The following NOX4 variants were observed in gnomAD, a reference collection of about 807,000 sequenced individuals.
The protein encoded by NOX4 is NADPH oxidase 4.
In NOX4, 69 loss-of-function variants were observed where a neutral mutation model predicts 87.6. That is an observed-to-expected ratio of 0.79 (90% confidence interval 0.65 to 0.96). The LOEUF is 0.96. Among genes scored for constraint, NOX4 ranks in the 40% least tolerant of loss-of-function variants. The probability of loss-of-function intolerance (pLI) is 0.00; values close to 1 mark genes in which losing one functional copy is unlikely to be tolerated. For synonymous variants in NOX4, 275 were observed against 238.2 expected (o/e 1.15, Z -1.42); for missense variants, 680 against 681.5 (o/e 1.00, Z 0.02).
At position 89,380,661 on chromosome 11, in the gene NOX4, T is replaced by A. The variant is rs529142804; in HGVS notation, c.1075-7169A>T. On this transcript the variant is annotated intron_variant, in intron 11 of 17. Transcript: ENST00000263317. ...TAAAGTTCATACTTATCATGTAGACTCTTATTAGACACTAAGGGAATATTT... is the reference window on the plus strand; with the variant it reads ...TAAAGTTCATACTTATCATGTAGACACTTATTAGACACTAAGGGAATATTT... 4.6e-5 allele frequency among the ~76,000 whole-genome samples: 7 copies of A among 152,274 alleles called. No homozygotes were observed. In the South Asian group the frequency reaches 1.4e-3, roughly 32 times the overall value.
intron 13 of NOX4, among the ~76,000 whole-genome samples, chr11:89,351,529 C>T (rs562364398): frequency 6.6e-6 from 1 of 152,288 alleles, no homozygotes; most frequent in African/African-American, 2.4e-5. Flanking sequence ...AAAGAGCAGT[C>T]AATGCCTGTC....
chr11:89,460,064 G>A (rs1305255605), intron 2 of NOX4, among the ~76,000 whole-genome samples: 11 of 152,140 alleles, frequency 7.2e-5, no homozygotes, highest in Non-Finnish European at 1.5e-4. Flanking sequence ...ATGGGGAAAG[G>A]ATTGCCTATT....
intron 11 of NOX4, among the ~76,000 whole-genome samples, chr11:89,399,560 C>A (rs1941703623): frequency 6.7e-6 from 1 of 148,742 alleles, no homozygotes; most frequent in South Asian, 2.1e-4. Flanking sequence ...AACACTGGGG[C>A]TCAAGCAATC....
At chr11:89,561,063 A>ATATATATC in the NOX4 span, among the ~76,000 whole-genome samples, 1 of 109,376 alleles carries the variant, frequency 9.1e-6, no homozygotes, top group African/African-American at 3.6e-5. Flanking sequence ...ATATATATAT[A>ATATATATC]TATATATATA....
At chr11:89,397,565 C>A (rs1256502211) in intron 11 of NOX4, among the ~76,000 whole-genome samples, 2 of 151,990 alleles carry the variant, frequency 1.3e-5, no homozygotes, top group East Asian at 1.9e-4. Flanking sequence ...AATTGATAGA[C>A]TGCTAGCAAG....
rs181434980 is a variant in NOX4 at position 89,455,063 on chromosome 11, G to T, written c.154-3168C>A. On this transcript the variant is annotated intron_variant, in intron 2 of 17. Transcript: ENST00000263317. ...AAAGCCTACTCCAATAGCTCCTATA[G>T]GCCATATACATTATGCTTAGTTGCC... Among the ~76,000 whole-genome samples the T allele has an allele frequency of 2.3e-4, 35 of 152,118 alleles. 1 individual carries two copies. The highest frequency in any genetic ancestry group is 4.7e-4 in the Non-Finnish European group (32 of 67,968).
chr11:89,571,847 T>C, the NOX4 span, among the ~76,000 whole-genome samples: 5 of 152,178 alleles, frequency 3.3e-5, no homozygotes, highest in Non-Finnish European at 5.9e-5. Context: ...GGGAATTTCC[T>C]TGTGGACAAA....
intron 5 of NOX4, chr11:89,443,500 C>T (rs894690028): frequency 3.9e-5 from 6 of 152,236 alleles, no homozygotes; most frequent in African/African-American, 1.4e-4. Context: ...ATGAAAGCAT[C>T]AACCAACAGA....
chr11:89,550,676 T>C, the NOX4 span, among the ~76,000 whole-genome samples: 5 of 152,228 alleles, frequency 3.3e-5, no homozygotes, highest in African/African-American at 1.2e-4. Flanking sequence ...AAGTTCTTTG[T>C]AGACTGTGTA....
intron 12 of NOX4, among the ~76,000 whole-genome samples, chr11:89,358,621 A>C (rs1365761983): frequency 6.6e-6 from 1 of 151,676 alleles, no homozygotes; most frequent in Non-Finnish European, 1.5e-5. Context: ...AGAAAAGTTC[A>C]AGTAAATGGA....
At chr11:89,373,795 A>AAT (rs1404729364) in intron 11 of NOX4, among the ~76,000 whole-genome samples, 1 of 152,068 alleles carries the variant, frequency 6.6e-6, no homozygotes, top group Admixed American at 6.6e-5. Flanking sequence ...TCTAAGTTAA[A>AAT]ATATATATAA....
the NOX4 span, among the ~76,000 whole-genome samples, chr11:89,563,495 C>T: frequency 3.3e-5 from 5 of 152,070 alleles, no homozygotes; most frequent in Admixed American, 6.6e-5. Flanking sequence ...CAACTCCAAC[C>T]GTATTTGATC....
chr11:89,490,753 C>A (rs1946818289), intron 1 of NOX4, 200 bp from the exon 2 acceptor site: 1 of 698,194 alleles, frequency 1.4e-6, no homozygotes, highest in Non-Finnish European at 2.6e-6. Context: ...GCCCTTTCAC[C>A]TGAGACTAAG....
At chr11:89,499,438 T>C (rs1946994710), upstream of NOX4, among the ~76,000 whole-genome samples, 1 of 152,134 alleles carries the variant, frequency 6.6e-6, no homozygotes, top group African/African-American at 2.4e-5. Flanking sequence ...TTGCCAACAG[T>C]GTGGCAAAGG....
intron 12 of NOX4, among the ~76,000 whole-genome samples, chr11:89,372,935 A>G (rs913140526): frequency 6.6e-6 from 1 of 151,948 alleles, no homozygotes; most frequent in African/African-American, 2.4e-5. Context: ...AAAAGTATTT[A>G]CTGAAGACAA....
upstream of NOX4, among the ~76,000 whole-genome samples, chr11:89,496,862 G>T (rs2135508312): frequency 6.6e-6 from 1 of 152,172 alleles, no homozygotes; most frequent in South Asian, 2.1e-4. Context: ...AATCTATAAG[G>T]TAGGAAGGTA....
chr11:89,439,823 A>G (rs1944379229), intron 6 of NOX4, among the ~76,000 whole-genome samples: 1 of 152,222 alleles, frequency 6.6e-6, no homozygotes, highest in Admixed American at 6.5e-5. Flanking sequence ...TTTCATGGAC[A>G]ATAAGCTTGA....
At chr11:89,384,694 C>T (rs535238539) in intron 11 of NOX4, among the ~76,000 whole-genome samples, 32 of 152,270 alleles carry the variant, frequency 2.1e-4, no homozygotes, top group African/African-American at 6.5e-4. Context: ...CCCACACTAG[C>T]TCTCCCTAAC....
the NOX4 span, among the ~76,000 whole-genome samples, chr11:89,513,050 G>C: frequency 6.6e-6 from 1 of 152,120 alleles, no homozygotes; most frequent in Non-Finnish European, 1.5e-5. Context: ...GCTGGGTGCA[G>C]TGGCTCACTC....
Sources: gnomAD v4.1 joint callset for allele counts (sites outside exome capture counted in the v4.1 genomes callset) on GRCh38, gnomAD v4.1.1 for gene constraint, MANE v1.5 for transcripts, NCBI Gene and HGNC (gene_info 2026-07-23, HGNC 2026-07-21) for gene names.